Variants in DLGAP1 observed in about 807,000 individuals in gnomAD.
DLGAP1 encodes DLG associated protein 1.
DLGAP1 carries 11 observed loss-of-function variants against 90.8 expected under a neutral mutation model. That is an observed-to-expected ratio of 0.12 (90% CI 0.08 to 0.20). The LOEUF (loss-of-function observed/expected upper bound fraction) is 0.20, where lower values mean the gene tolerates loss of function less well. DLGAP1 is among the 10% of genes least tolerant of loss of function. The pLI, the probability that DLGAP1 is intolerant of heterozygous loss-of-function variation, is 1.00. For synonymous variants in DLGAP1, 558 were observed against 540.7 expected (o/e 1.03, Z -0.44); for missense variants, 1,050 against 1,333.8 (o/e 0.79, Z 3.31).
intron 7 of DLGAP1, among the ~76,000 whole-genome samples, chr18:3,627,994 A>G (rs1367419640): frequency 7.0e-6 from 1 of 143,140 alleles, no homozygotes; most frequent in African/African-American, 2.6e-5. Flanking sequence ...TTCTCCTGCC[A>G]CAGCCTCCCG....
intron 1 of DLGAP1, among the ~76,000 whole-genome samples, chr18:4,197,529 G>C (rs1192973555): frequency 1.3e-5 from 2 of 152,140 alleles, no homozygotes; most frequent in Non-Finnish European, 2.9e-5. Context: ...AAGTGGCAGA[G>C]CATGACCAGA....
In DLGAP1 at chr18:3,897,997, T is replaced by C. The variant is rs573275448; in HGVS notation, c.-72-17857A>G. On this transcript the variant is annotated intron_variant, in intron 3 of 12. Transcript: ENST00000315677. ...TTTTAGTAGAGACGGGGTTTCACCT[T>C]GTTAGCCAGGATGGTCTCGATCTCC... Among the ~76,000 whole-genome samples the C allele has an allele frequency of 3.7e-4, 57 of 152,054 alleles. No homozygotes were observed. The East Asian group carries it at 5.8e-3, about 15-fold the overall frequency.
rs1394433112 is a variant in DLGAP1, at chr18:3,496,360, G to A, written c.*2825C>T. 1.3e-5 allele frequency: 2 copies of A among 152,114 alleles called. No homozygotes were observed. The highest frequency in any genetic ancestry group is 3.8e-4 in the East Asian group (2 of 5,200). 9.4% of individuals were successfully genotyped at this position (152,114 alleles called of 1,614,324 possible). A position where few individuals can be genotyped will look rare whatever the true frequency, so the allele number is the denominator to read the frequency against. The stretch of plus-strand genomic sequence containing the variant: ...ATAAGGCTTAAATGAAAGTGGTAAT[G>A]CACAGTAAAACATTAAGGAAACATC... On this transcript the variant is annotated 3_prime_UTR_variant, in exon 13 of 13. Coordinates refer to ENST00000315677, the MANE Select transcript of DLGAP1 (RefSeq NM_004746.4).
chr18:4,016,273 T>C lies in DLGAP1; in HGVS notation c.-158-11072A>G, dbSNP rs187422134. Among the ~76,000 whole-genome samples the C allele has an allele frequency of 3.3e-3, 496 of 152,358 alleles. 1 individual carries two copies. The highest frequency in any genetic ancestry group is 5.4e-3 in the Non-Finnish European group (367 of 68,036). ...ATTTTTAATATAAATAAATTACTAG[T>C]TCAAATAACTTCTCCAAAACAAGTT... On this transcript the variant is annotated intron_variant, in intron 2 of 12. Transcript: ENST00000315677.
chr18:3,743,031 G>A (rs1053230503), intron 5 of DLGAP1, among the ~76,000 whole-genome samples: 1 of 145,242 alleles, frequency 6.9e-6, no homozygotes, highest in Admixed American at 7.0e-5. Flanking sequence ...ATTGAACTTC[G>A]TGAACAGAAC....
At chr18:4,430,494 T>TTGTGTGTGTGTGTGTGTGTG (rs1225686125) in intron 1 of DLGAP1, 2 of 73,234 alleles carry the variant, frequency 2.7e-5, no homozygotes, top group Non-Finnish European at 3.1e-5. Context: ...GTAAATAGTC[T>TTGTGTGTGTGTGTGTGTGTG]TGTGTGTCTG....
At chr18:3,797,552 G>C (rs1010152328) in intron 5 of DLGAP1, among the ~76,000 whole-genome samples, 4 of 152,094 alleles carry the variant, frequency 2.6e-5, no homozygotes, top group African/African-American at 9.7e-5. Flanking sequence ...ACCAGATGTA[G>C]GTCAAAGGAT....
Position 3,974,783 on chromosome 18 carries a change from A to G in DLGAP1, c.-73+30333T>C, listed in dbSNP as rs1216770984. Among the ~76,000 whole-genome samples, 4 of 152,344 alleles carry G rather than the reference A, an allele frequency of 2.6e-5. No homozygotes were observed. The East Asian group carries it at 7.7e-4, about 29-fold the overall frequency. On this transcript the variant is annotated intron_variant, in intron 3 of 12. Transcript: ENST00000315677. The stretch of plus-strand genomic sequence containing the variant: ...GACTCACACCGATGAGTAGTATTTT[A>G]CAATTTATAAATAAAAAATATAAAA...
chr18:3,920,352 C>CA (rs34353326), intron 3 of DLGAP1, among the ~76,000 whole-genome samples: 19,025 of 75,320 alleles, frequency 0.25, 2,501 homozygotes, highest in East Asian at 0.47. Context: ...AGACTCTGTC[C>CA]AAAAAAAAAA....
At chr18:4,321,915 G>A (rs1360845798) in intron 1 of DLGAP1, among the ~76,000 whole-genome samples, 1 of 151,904 alleles carries the variant, frequency 6.6e-6, no homozygotes, top group East Asian at 1.9e-4. Flanking sequence ...ATATATTACA[G>A]GCTGGGTGAG....
chr18:3,735,305 T>C (rs894329501), intron 6 of DLGAP1, among the ~76,000 whole-genome samples: 14 of 152,222 alleles, frequency 9.2e-5, no homozygotes, highest in African/African-American at 3.4e-4. Flanking sequence ...CTGCAACCTC[T>C]GCCTCCCAGA....
At chr18:3,929,393 CAG>C (rs1349168802) in intron 3 of DLGAP1, among the ~76,000 whole-genome samples, 1 of 152,212 alleles carries the variant, frequency 6.6e-6, no homozygotes, top group African/African-American at 2.4e-5. Flanking sequence ...ACTCCAGAAA[CAG>C]AGTTAGGTCA....
chr18:4,194,627 C>G (rs912991290), intron 1 of DLGAP1, among the ~76,000 whole-genome samples: 1 of 151,912 alleles, frequency 6.6e-6, no homozygotes, highest in Non-Finnish European at 1.5e-5. Context: ...TTATTTTCAG[C>G]TAACATCTAT....
chr18:3,825,008 G>T (rs1288136106), intron 4 of DLGAP1, among the ~76,000 whole-genome samples: 1 of 152,184 alleles, frequency 6.6e-6, no homozygotes, highest in African/African-American at 2.4e-5. Flanking sequence ...CCTCTTGAGG[G>T]TGTGTACTTT....
chr18:4,203,557 T>C (rs1326511157), intron 1 of DLGAP1, among the ~76,000 whole-genome samples: 1 of 152,176 alleles, frequency 6.6e-6, no homozygotes, highest in Non-Finnish European at 1.5e-5. Context: ...TTAAGGTATC[T>C]TAAAACGTAG....
At chr18:3,642,723 A>C (rs1032169224) in intron 7 of DLGAP1, among the ~76,000 whole-genome samples, 7 of 152,236 alleles carry the variant, frequency 4.6e-5, no homozygotes, top group African/African-American at 1.7e-4. Flanking sequence ...ACGTATTATA[A>C]AGTGCTCAAC....
intron 7 of DLGAP1, among the ~76,000 whole-genome samples, chr18:3,652,177 A>AG (rs1255473240): frequency 5.0e-5 from 7 of 139,318 alleles, no homozygotes; most frequent in African/African-American, 2.0e-4. Context: ...AAAAAAAAAA[A>AG]AAAGAAAAGA....
intron 4 of DLGAP1, among the ~76,000 whole-genome samples, chr18:3,850,139 G>A (rs548946075): frequency 6.6e-6 from 1 of 152,034 alleles, no homozygotes; most frequent in East Asian, 1.9e-4. Flanking sequence ...GGCTGAGGTG[G>A]GCGGATCACT....
chr18:3,565,579 T>A lies in DLGAP1; in HGVS notation c.2057+1911A>T, dbSNP rs945835459. Reference sequence around the variant, plus strand: ...GGCCCAGCGCGGTGGCTCACGCCTGTAATCCCAGCACTTTGGGAAGCCAAG... The same window carrying A: ...GGCCCAGCGCGGTGGCTCACGCCTGAAATCCCAGCACTTTGGGAAGCCAAG... On this transcript the variant is annotated intron_variant, in intron 9 of 12. Coordinates refer to ENST00000315677, the MANE Select transcript of DLGAP1 (RefSeq NM_004746.4). The surrounding 1 kb of genome is among the most constrained non-coding windows in gnomAD (Gnocchi z 4.0). Among the ~76,000 whole-genome samples, 1 of 151,380 alleles carries A rather than the reference T, an allele frequency of 6.6e-6. No individual in the cohort carries two copies. Among genetic ancestry groups the A allele is most frequent in the Non-Finnish European group, 1.5e-5 (1 of 67,878 alleles).
Sources: gnomAD v4.1 joint callset for allele counts (sites outside exome capture counted in the v4.1 genomes callset) on GRCh38, gnomAD v4.1.1 for gene constraint, Gnocchi (gnomAD v3.1) non-coding constraint, MANE v1.5 for transcripts, NCBI Gene and HGNC (gene_info 2026-07-23, HGNC 2026-07-21) for gene names.